The following EME2 variants were observed in gnomAD, a reference collection of about 807,000 sequenced individuals.
EME2 encodes the protein structure-specific endonuclease subunit EME2.
Under a neutral mutation model 41.9 loss-of-function variants are expected in EME2, and 58 were observed. The ratio of observed to expected loss-of-function variants is 1.38; its 90% CI spans 1.12 to 1.72. The LOEUF is 1.72. Ranked by LOEUF, EME2 falls within the 40% of genes most tolerant of loss-of-function variation. The probability of loss-of-function intolerance (pLI) is 0.00; values close to 1 mark genes in which losing one functional copy is unlikely to be tolerated. For missense variants in EME2, 695 were observed against 541.9 expected, an observed-to-expected ratio of 1.28 and a Z score of -2.81; for synonymous variants, 334 against 239.3, an observed-to-expected ratio of 1.40 and a Z score of -3.65.
intron 7 of EME2, 23 bp downstream of exon 7, chr16:1,776,009 C>T (rs2042706843): frequency 1.9e-6 from 3 of 1,606,870 alleles, no homozygotes; most frequent in Non-Finnish European, 1.7e-6. Context: ...CTCCTCCAAG[C>T]CCTCCAGGTG....
In EME2 at chr16:1,778,778, C is replaced by A; in HGVS notation, c.*2540C>A. The A allele has an allele frequency of 1.4e-6, 1 of 691,640 alleles. No homozygotes were observed. Among genetic ancestry groups the A allele is most frequent in the Non-Finnish European group, 2.2e-6 (1 of 447,638 alleles). 42.8% of individuals were successfully genotyped at this position (691,640 alleles called of 1,614,324 possible). A position where few individuals can be genotyped will look rare whatever the true frequency, so the allele number is the denominator to read the frequency against. On this transcript the variant is annotated 3_prime_UTR_variant, in exon 8 of 8. Transcript: ENST00000568449. ...CGAGCGCACAGCCCAGGCTCCCTCC[C>A]AACGGGCTCCGGCTCTGCCCCATTC...
In EME2 at chr16:1,773,700, C is replaced by A. The variant is rs1204475628; in HGVS notation, c.248-5C>A. 6.5e-7 allele frequency: 1 copy of A among 1,548,616 alleles called. No individual in the cohort carries two copies. Among genetic ancestry groups the A allele is most frequent in the Non-Finnish European group, 8.7e-7 (1 of 1,147,040 alleles). Reference sequence around the variant, plus strand: ...AGTGACCGCGCTCCTCTCCCCCGGTCCCAGCCATCCTGGAAGACGCCGGTG... The same window carrying A: ...AGTGACCGCGCTCCTCTCCCCCGGTACCAGCCATCCTGGAAGACGCCGGTG... On this transcript the variant is annotated splice_region_variant and splice_polypyrimidine_tract_variant and intron_variant, in intron 1 of 7. Transcript: ENST00000568449.
At position 1,781,579 on chromosome 16, in the gene EME2, C is replaced by T; in HGVS notation, c.*5341C>T. On this transcript the variant is annotated 3_prime_UTR_variant, in exon 8 of 8. Coordinates refer to ENST00000568449, the MANE Select transcript of EME2 (RefSeq NM_001257370.2). ...TTCCAGGCTGGGCCACGGACCCACT[C>T]AAAGTGGGGACTGCAGGGGCCGCAC... is the stretch of plus-strand genomic sequence containing the variant. 1 of 1,471,856 alleles carries T rather than the reference C, an allele frequency of 6.8e-7. No homozygotes were observed. Among genetic ancestry groups the T allele is most frequent in the Non-Finnish European group, 9.2e-7 (1 of 1,088,418 alleles). The allele number at this position is 1,471,856 out of a possible 1,614,324, so 91.2% of individuals were successfully genotyped here.
At chr16:1,773,523 C>T (rs758502308) in intron 1 of EME2, 49 bp downstream of exon 1, 15 of 1,544,374 alleles carry the variant, frequency 9.7e-6, no homozygotes, top group East Asian at 4.7e-5. Flanking sequence ...GGCCTTTCTC[C>T]GCCAGGCGGC....
Position 1,780,248 on chromosome 16 carries a change from C to T in EME2, c.*4010C>T, listed in dbSNP as rs369223085. ...CCCTGCGAGGCCAGGAGAGACTGCT[C>T]CAGGGCACATGACCTGTGGTAGCTG... On this transcript the variant is annotated 3_prime_UTR_variant, in exon 8 of 8. Coordinates refer to ENST00000568449, the MANE Select transcript of EME2 (RefSeq NM_001257370.2). 1 of 152,530 alleles carries T rather than the reference C, an allele frequency of 6.6e-6. No individual in the cohort carries two copies. The highest frequency in any genetic ancestry group is 1.9e-4 in the East Asian group (1 of 5,186). The allele number at this position is 152,530 out of a possible 1,614,324, so 9.4% of individuals were successfully genotyped here.
At position 1,775,967 on chromosome 16, in the gene EME2, C is replaced by A. The variant is rs759022450; in HGVS notation, c.950C>A (p.Ser317Tyr). The stretch of plus-strand genomic sequence containing the variant: ...GATGCAGTTGTCACAGCCTTCCCCT[C>A]CCCCCGCCTTCTGCAGCAGGTGGGC... ...VADAVVTAFP[S>Y]PRLLQQALEA... Residue 317 changes from serine (S) to tyrosine (Y), a missense_variant, in exon 7 of 8, where the codon TCC becomes TAC. Physicochemically the swap from Ser to Tyr is moderately radical, Grantham distance 144. Coordinates refer to ENST00000568449, the MANE Select transcript of EME2 (RefSeq NM_001257370.2). 1.2e-6 allele frequency: 2 copies of A among 1,609,092 alleles called. No homozygotes were observed. Among genetic ancestry groups the A allele is most frequent in the Non-Finnish European group, 1.7e-6 (2 of 1,179,010 alleles).
chr16:1,776,752 A>G lies in EME2; in HGVS notation c.*514A>G, dbSNP rs1296351899. 7.6e-6 allele frequency: 3 copies of G among 395,992 alleles called. No homozygotes were observed. Among genetic ancestry groups the G allele is most frequent in the African/African-American group, 2.0e-5 (1 of 48,864 alleles). The allele number at this position is 395,992 out of a possible 1,614,324, so 24.5% of individuals were successfully genotyped here. ...AACTCTACATTTATTGCAGTCCTTT[A>G]AGTCTATGACGGCGGGGCAGCCGCT... On this transcript the variant is annotated 3_prime_UTR_variant, in exon 8 of 8. Coordinates refer to ENST00000568449, the MANE Select transcript of EME2 (RefSeq NM_001257370.2).
In EME2 at chr16:1,777,572, G is replaced by T. The variant is rs1160865705; in HGVS notation, c.*1334G>T. 1 of 1,345,348 alleles carries T rather than the reference G, an allele frequency of 7.4e-7. No homozygotes were observed. The highest frequency in any genetic ancestry group is 9.9e-7 in the Non-Finnish European group (1 of 1,007,250). The allele number at this position is 1,345,348 out of a possible 1,614,324, so 83.3% of individuals were successfully genotyped here. ...ACAGCTGAGGCAAGGCAGGGTGCAC[G>T]CGCTGGCCCTGCCACTCCAGCCTGG... On this transcript the variant is annotated 3_prime_UTR_variant, in exon 8 of 8. Coordinates refer to ENST00000568449, the MANE Select transcript of EME2 (RefSeq NM_001257370.2).
chr16:1,781,427 G>A lies in EME2; in HGVS notation c.*5189G>A, dbSNP rs769312290. On this transcript the variant is annotated 3_prime_UTR_variant, in exon 8 of 8. Coordinates refer to ENST00000568449, the MANE Select transcript of EME2 (RefSeq NM_001257370.2). ...CCACGGCCCGGGCATCTGCGTCTCG[G>A]CGGGCTGCACTCAGGACGAAGTGCC... 1 of 1,612,838 alleles carries A rather than the reference G, an allele frequency of 6.2e-7. No homozygotes were observed. The highest frequency in any genetic ancestry group is 8.5e-7 in the Non-Finnish European group (1 of 1,180,018).
In EME2 at chr16:1,777,132, G is replaced by A. The variant is rs147735377; in HGVS notation, c.*894G>A. 3.8e-3 allele frequency: 6,133 copies of A among 1,611,632 alleles called. 23 individuals carry two copies. Among genetic ancestry groups the A allele is most frequent in the Non-Finnish European group, 4.8e-3 (5,636 of 1,179,676 alleles). On this transcript the variant is annotated 3_prime_UTR_variant, in exon 8 of 8. Transcript: ENST00000568449. ...CGGCAGCGCTTCCTCTGGCAGGGCC[G>A]AGGCTCGCGACTGCTGGGGTGGGCG...
Position 1,773,043 on chromosome 16 carries a change from T to G in EME2, c.-185T>G, listed in dbSNP as rs752492016. On this transcript the variant is annotated 5_prime_UTR_variant, in exon 1 of 8. Coordinates refer to ENST00000568449, the MANE Select transcript of EME2 (RefSeq NM_001257370.2). Reference sequence around the variant, plus strand: ...GTAGAGCTGGGAGTCGCGCGGCCTGTTCAGTTGCTCCCGCAGGGCGCGCAC... The same window carrying G: ...GTAGAGCTGGGAGTCGCGCGGCCTGGTCAGTTGCTCCCGCAGGGCGCGCAC... The G allele has an allele frequency of 2.6e-5, 37 of 1,431,236 alleles. No individual in the cohort carries two copies. Among genetic ancestry groups the G allele is most frequent in the Non-Finnish European group, 3.3e-5 (36 of 1,093,966 alleles). The allele number at this position is 1,431,236 out of a possible 1,614,324, so 88.7% of individuals were successfully genotyped here.
chr16:1,775,371 G>T lies in EME2; in HGVS notation c.626G>T (p.Gly209Val). 1 of 1,610,550 alleles carries T rather than the reference G, an allele frequency of 6.2e-7. No individual in the cohort carries two copies. Residue 209 changes from glycine to valine, a missense_variant, in exon 5 of 8, where the codon GGT becomes GTT. By Grantham distance (109) the Gly-to-Val change is moderately radical. Transcript: ENST00000568449. ...TQQPESPKVA[G>V]AEVAVSWPEV... The stretch of plus-strand genomic sequence containing the variant: ...CAGCCAGAGAGCCCGAAGGTGGCCG[G>T]TGCCGAGGTGGCCGTCAGCTGGCCG...
At chr16:1,775,532 C>T (rs752159215) in intron 5 of EME2, 37 bp from the exon 6 acceptor site, 5 of 1,607,346 alleles carry the variant, frequency 3.1e-6, no homozygotes, top group African/African-American at 2.7e-5. Flanking sequence ...GGGTAGCCTT[C>T]CTCTGGCTCG....
Position 1,781,158 on chromosome 16 carries a change from CTGTG to C in EME2, c.*4926_*4929del. 1.3e-6 allele frequency: 2 copies of C among 1,527,742 alleles called. No individual in the cohort carries two copies. Among genetic ancestry groups the C allele is most frequent in the Non-Finnish European group, 1.8e-6 (2 of 1,141,496 alleles). The allele number at this position is 1,527,742 out of a possible 1,614,324, so 94.6% of individuals were successfully genotyped here. ...TTCTGAGGTCCTGTCACCCCTGAGG[CTGTG>C]TGTGTCCTTTGCCAAATTAAAGAGT... On this transcript the variant is annotated 3_prime_UTR_variant, in exon 8 of 8. Coordinates refer to ENST00000568449, the MANE Select transcript of EME2 (RefSeq NM_001257370.2).
In EME2 at chr16:1,775,917, C is replaced by T. The variant is rs1463671290; in HGVS notation, c.900C>T (p.Phe300=). The change falls in exon 7 of 8, where the codon TTC becomes TTT. Residue 300 remains phenylalanine (F), a synonymous_variant. Coordinates refer to ENST00000568449, the MANE Select transcript of EME2 (RefSeq NM_001257370.2). Reference sequence around the variant, plus strand: ...CCTGGCGGAGGCAGATCAGGCAGTTCAGTCGGGTCAGCCCAGCCGTGGCTG... The same window carrying T: ...CCTGGCGGAGGCAGATCAGGCAGTTTAGTCGGGTCAGCCCAGCCGTGGCTG... ...QAAWRRQIRQ[F]SRVSPAVADA... The T allele has an allele frequency of 6.2e-7, 1 of 1,612,218 alleles. No homozygotes were observed. The highest frequency in any genetic ancestry group is 1.7e-5 in the Admixed American group (1 of 59,998).
Position 1,776,462 on chromosome 16 carries a change from G to A in EME2, c.*224G>A, listed in dbSNP as rs569728415. On this transcript the variant is annotated 3_prime_UTR_variant, in exon 8 of 8. Transcript: ENST00000568449. ...AGATGGCTGGCGGTTCCTGTGCTGA[G>A]TCCTGAACACGTAGGCCCCAGGGGA... 1 of 538,258 alleles carries A rather than the reference G, an allele frequency of 1.9e-6. No individual in the cohort carries two copies. Among genetic ancestry groups the A allele is most frequent in the Non-Finnish European group, 3.3e-6 (1 of 306,194 alleles). The allele number at this position is 538,258 out of a possible 1,614,324, so 33.3% of individuals were successfully genotyped here. A position where few individuals can be genotyped will look rare whatever the true frequency, so the allele number is the denominator to read the frequency against.
chr16:1,774,741 C>T (rs892582180), intron 3 of EME2, among the ~76,000 whole-genome samples: 3 of 152,242 alleles, frequency 2.0e-5, no homozygotes, highest in East Asian at 1.9e-4. Flanking sequence ...ATCAGTGTCT[C>T]TCAAGCTGCT....
chr16:1,777,256 C>G lies in EME2; in HGVS notation c.*1018C>G, dbSNP rs751327026. The G allele has an allele frequency of 4.3e-6, 7 of 1,610,446 alleles. No homozygotes were observed. The highest frequency in any genetic ancestry group is 5.9e-6 in the Non-Finnish European group (7 of 1,179,852). On this transcript the variant is annotated 3_prime_UTR_variant, in exon 8 of 8. Transcript: ENST00000568449. The stretch of plus-strand genomic sequence containing the variant: ...TGTTGTGTAGCACCTGCTTGAGGCC[C>G]GGCGGCAGCGGCAGACCCTCCAGCG...
chr16:1,777,206 C>G lies in EME2; in HGVS notation c.*968C>G. 1 of 1,610,530 alleles carries G rather than the reference C, an allele frequency of 6.2e-7. No individual in the cohort carries two copies. On this transcript the variant is annotated 3_prime_UTR_variant, in exon 8 of 8. Coordinates refer to ENST00000568449, the MANE Select transcript of EME2 (RefSeq NM_001257370.2). ...CACTGGAGCCTTGCGGCGGCTGCAA[C>G]TCATGCTCAGGACCCAGCCCAGCTT...
Sources: gnomAD v4.1 joint callset for allele counts (sites outside exome capture counted in the v4.1 genomes callset) on GRCh38, gnomAD v4.1.1 for gene constraint, MANE v1.5 for transcripts, NCBI Gene and HGNC (gene_info 2026-07-23, HGNC 2026-07-21) for gene names.